The following UBE2F variants were observed in gnomAD, a reference collection of about 807,000 sequenced individuals.
The protein encoded by UBE2F is NEDD8-conjugating enzyme UBE2F.
UBE2F carries 5 observed loss-of-function variants against 29.6 expected under a neutral mutation model. That is an observed-to-expected ratio of 0.17 (90% CI 0.09 to 0.36). UBE2F has a LOEUF of 0.36. Among genes scored for constraint, UBE2F ranks in the 10% least tolerant of loss-of-function variants. The pLI, the probability that UBE2F is intolerant of heterozygous loss-of-function variation, is 1.00. For synonymous variants in UBE2F, 66 were observed against 81.8 expected, an observed-to-expected ratio of 0.81 and a Z score of 1.04; for missense variants, 141 against 228.5, an observed-to-expected ratio of 0.62 and a Z score of 2.47.
chr2:237,991,146 G>C (rs2063578647), intron 3 of UBE2F, among the ~76,000 whole-genome samples: 2 of 152,124 alleles, frequency 1.3e-5, no homozygotes, highest in Admixed American at 6.6e-5. Context: ...CAGATAAAAA[G>C]ACAGCATGCT....
chr2:238,024,295 C>T (rs896208364), intron 5 of UBE2F, among the ~76,000 whole-genome samples: 1 of 152,176 alleles, frequency 6.6e-6, no homozygotes, highest in Non-Finnish European at 1.5e-5. Flanking sequence ...GTCCTTTTCT[C>T]TCTGAGTATG....
At chr2:238,001,460 T>A (rs1366719135) in intron 4 of UBE2F, among the ~76,000 whole-genome samples, 2 of 152,230 alleles carry the variant, frequency 1.3e-5, no homozygotes, top group African/African-American at 4.8e-5. Context: ...ATTAGAGACT[T>A]CTACAGCTAG....
intron 4 of UBE2F, among the ~76,000 whole-genome samples, chr2:238,014,068 G>T (rs1475435902): frequency 6.6e-6 from 1 of 152,142 alleles, no homozygotes; most frequent in African/African-American, 2.4e-5. Context: ...TCTCCGCCTT[G>T]GGCCAGGTAC....
At chr2:238,012,202 T>G (rs2064050298) in intron 4 of UBE2F, among the ~76,000 whole-genome samples, 1 of 152,124 alleles carries the variant, frequency 6.6e-6, no homozygotes, top group South Asian at 2.1e-4. Context: ...AGTATTTTCA[T>G]GATTTTTCCA....
At chr2:238,006,320 A>G (rs1019583156) in intron 4 of UBE2F, among the ~76,000 whole-genome samples, 12 of 152,216 alleles carry the variant, frequency 7.9e-5, no homozygotes, top group African/African-American at 2.7e-4. Context: ...TCCATCACCC[A>G]GACACCTCCC....
intron 4 of UBE2F, among the ~76,000 whole-genome samples, chr2:238,010,181 G>T (rs533754485): frequency 2.7e-4 from 40 of 149,672 alleles, no homozygotes; most frequent in South Asian, 8.5e-4. Flanking sequence ...TATTTATTTG[G>T]TTTTTTTTTC....
chr2:237,976,799 G>T (rs1191296100), intron 2 of UBE2F, among the ~76,000 whole-genome samples: 1 of 152,094 alleles, frequency 6.6e-6, no homozygotes, highest in South Asian at 2.1e-4. Flanking sequence ...ACTTAATGGG[G>T]TAATTCTTGT....
At chr2:238,037,304 C>G (rs1175612453) in intron 9 of UBE2F, among the ~76,000 whole-genome samples, 1 of 152,242 alleles carries the variant, frequency 6.6e-6, no homozygotes, top group Non-Finnish European at 1.5e-5. Context: ...CACCTTTCCA[C>G]TGTGCTTGAG....
At chr2:237,978,785 G>C (rs1392887742) in intron 2 of UBE2F, among the ~76,000 whole-genome samples, 1 of 152,178 alleles carries the variant, frequency 6.6e-6, no homozygotes, top group Admixed American at 6.5e-5. Flanking sequence ...CCTGACTTGG[G>C]TCCAGGCCTG....
chr2:238,030,733 C>A (rs2064554786), intron 7 of UBE2F, 120 bp downstream of exon 7: 2 of 726,586 alleles, frequency 2.8e-6, no homozygotes, highest in Admixed American at 4.2e-5. Context: ...AGTGGCCGGA[C>A]ACACCCTGCC....
intron 4 of UBE2F, among the ~76,000 whole-genome samples, chr2:237,999,596 GA>G (rs1464741579): frequency 2.0e-5 from 3 of 152,076 alleles, no homozygotes; most frequent in African/African-American, 7.2e-5. Flanking sequence ...TATCTATCTA[GA>G]TATCCAGCTG....
At chr2:238,037,438 G>A (rs186221000) in intron 9 of UBE2F, among the ~76,000 whole-genome samples, 59 of 152,366 alleles carry the variant, frequency 3.9e-4, no homozygotes, top group Middle Eastern at 3.4e-3. Flanking sequence ...AAAGCACATG[G>A]AGCAGGAGCC....
intron 4 of UBE2F, among the ~76,000 whole-genome samples, chr2:237,996,476 G>GTTT (rs11293005): frequency 7.2e-6 from 1 of 138,418 alleles, no homozygotes. Context: ...TCCCCTCCGC[G>GTTT]TTTTTTTTTT....
chr2:237,977,842 A>T (rs2063311907), intron 2 of UBE2F, among the ~76,000 whole-genome samples: 1 of 152,124 alleles, frequency 6.6e-6, no homozygotes, highest in Non-Finnish European at 1.5e-5. Context: ...GGTGTTATTC[A>T]CAAGCATCCA....
chr2:237,980,266 T>A (rs908338592), intron 2 of UBE2F, among the ~76,000 whole-genome samples: 1 of 152,232 alleles, frequency 6.6e-6, no homozygotes, highest in East Asian at 1.9e-4. Flanking sequence ...ACCAGCCTTT[T>A]GTCTTTGTCA....
At chr2:238,008,093 A>G (rs1195589020) in intron 4 of UBE2F, among the ~76,000 whole-genome samples, 1 of 152,140 alleles carries the variant, frequency 6.6e-6, no homozygotes, top group Non-Finnish European at 1.5e-5. Flanking sequence ...AACTGGGACT[A>G]CAGATGCCCA....
chr2:237,971,619 G>A (rs1018968788), intron 1 of UBE2F, among the ~76,000 whole-genome samples: 6 of 152,202 alleles, frequency 3.9e-5, no homozygotes, highest in African/African-American at 1.4e-4. Flanking sequence ...ACGGCACCTG[G>A]CCCTGGTGAC....
intron 5 of UBE2F, among the ~76,000 whole-genome samples, chr2:238,021,657 A>G (rs2064295744): frequency 6.6e-6 from 1 of 152,168 alleles, no homozygotes. Context: ...TGGTTGACCA[A>G]CCTTTTGCAG....
chr2:237,996,307 G>A (rs1418606516), intron 4 of UBE2F, among the ~76,000 whole-genome samples: 1 of 152,060 alleles, frequency 6.6e-6, no homozygotes, highest in Non-Finnish European at 1.5e-5. Context: ...GCCTTTCTAG[G>A]GCATTTTCAA....
Sources: gnomAD v4.1 joint callset for allele counts (sites outside exome capture counted in the v4.1 genomes callset) on GRCh38, gnomAD v4.1.1 for gene constraint, MANE v1.5 for transcripts, NCBI Gene and HGNC (gene_info 2026-07-23, HGNC 2026-07-21) for gene names.